The following ODAPH variants were observed in gnomAD, a reference collection of about 807,000 sequenced individuals.
The protein encoded by ODAPH is amelogenesis imperfecta type IIA4.
In ODAPH, 2 loss-of-function variants were observed where a neutral mutation model predicts 2.8. The observed-to-expected ratio is 0.72, with a 90% CI of 0.30 to 2.28. The LOEUF (loss-of-function observed/expected upper bound fraction) is 2.28, where lower values mean the gene tolerates loss of function less well. Ranked by LOEUF, ODAPH falls within the 30% of genes most tolerant of loss-of-function variation. The probability of loss-of-function intolerance (pLI) is 0.13; values close to 1 mark genes in which losing one functional copy is unlikely to be tolerated. For synonymous variants in ODAPH, 75 were observed against 60.3 expected, an observed-to-expected ratio of 1.24 and a Z score of -1.13; for missense variants, 159 against 163.3, an observed-to-expected ratio of 0.97 and a Z score of 0.14.
chr4:75,564,301 T>G lies in ODAPH; in HGVS notation c.255T>G (p.Phe85Leu). 1 of 1,614,192 alleles carries G rather than the reference T, an allele frequency of 6.2e-7. No individual in the cohort carries two copies. Among genetic ancestry groups the G allele is most frequent in the Non-Finnish European group, 8.5e-7 (1 of 1,180,032 alleles). ...GAAGGCCCAGAATCCATTTTAGGTT[T>G]CCAAACAGACCTTTCGTCCCTTCAA... ...FPRRPRIHFRFPNRPFVPSRC... is the reference protein window; with the variant it reads ...FPRRPRIHFRLPNRPFVPSRC... The change falls in exon 2 of 2, where the codon TTT becomes TTG. Residue 85 changes from phenylalanine (F) to leucine (L), a missense_variant. Coordinates refer to ENST00000311623, the MANE Select transcript of ODAPH (RefSeq NM_178497.5).
intron 1 of ODAPH, chr4:75,563,474 T>C (rs1222068507): frequency 1.9e-5 from 3 of 157,450 alleles, no homozygotes; most frequent in Non-Finnish European, 4.2e-5. Flanking sequence ...TGTGTATACA[T>C]GTAGATATAT....
chr4:75,557,427 G>A (rs1727379706), intron 1 of ODAPH, among the ~76,000 whole-genome samples: 1 of 152,096 alleles, frequency 6.6e-6, no homozygotes, highest in Admixed American at 6.5e-5. Flanking sequence ...ATCACCTGAG[G>A]TCGGGAGTTC....
chr4:75,556,807 T>G (rs972091925), intron 1 of ODAPH, among the ~76,000 whole-genome samples: 1 of 152,088 alleles, frequency 6.6e-6, no homozygotes, highest in Non-Finnish European at 1.5e-5. Context: ...GGGGAAGGGA[T>G]GAAAAGAGGG....
downstream of ODAPH, chr4:75,565,837 A>T (rs1397325577): frequency 6.6e-6 from 1 of 152,228 alleles, no homozygotes; most frequent in Non-Finnish European, 1.5e-5. Flanking sequence ...AGATAAAATC[A>T]TCATGCTATG....
intron 1 of ODAPH, among the ~76,000 whole-genome samples, chr4:75,562,539 C>T (rs565030992): frequency 1.3e-5 from 2 of 152,150 alleles, no homozygotes; most frequent in South Asian, 4.2e-4. Flanking sequence ...AGGGTTTCTC[C>T]ATGTTGGTCA....
intron 1 of ODAPH, among the ~76,000 whole-genome samples, chr4:75,557,375 C>G (rs552115009): frequency 6.6e-6 from 1 of 152,174 alleles, no homozygotes; most frequent in Non-Finnish European, 1.5e-5. Flanking sequence ...TACAGTGGCT[C>G]ACACCTGTAA....
chr4:75,556,794 G>A (rs1189079518), intron 1 of ODAPH, among the ~76,000 whole-genome samples: 2 of 152,154 alleles, frequency 1.3e-5, no homozygotes, highest in Non-Finnish European at 2.9e-5. Flanking sequence ...GAAAGAAAAG[G>A]CTGGGGAAGG....
intron 1 of ODAPH, among the ~76,000 whole-genome samples, chr4:75,558,204 C>G (rs1009377327): frequency 6.6e-6 from 1 of 152,170 alleles, no homozygotes; most frequent in Non-Finnish European, 1.5e-5. Context: ...TTGAAAGGGG[C>G]CTGTCTGATA....
chr4:75,561,150 G>A (rs372684189), intron 1 of ODAPH, among the ~76,000 whole-genome samples: 1 of 151,336 alleles, frequency 6.6e-6, no homozygotes. Context: ...CGTGAACCCG[G>A]GAGGCGGAGC....
intron 1 of ODAPH, among the ~76,000 whole-genome samples, chr4:75,560,470 G>A (rs1249126176): frequency 6.6e-6 from 1 of 152,170 alleles, no homozygotes; most frequent in Non-Finnish European, 1.5e-5. Flanking sequence ...CAGATGTGTG[G>A]CCCTAACTTT....
chr4:75,562,865 A>G (rs1361375260), intron 1 of ODAPH, among the ~76,000 whole-genome samples: 4 of 152,092 alleles, frequency 2.6e-5, no homozygotes, highest in Non-Finnish European at 5.9e-5. Flanking sequence ...CCCTTCCCCT[A>G]GGAAATTATT....
chr4:75,556,180 T>C (rs1727332143), intron 1 of ODAPH, 31 bp downstream of exon 1: 2 of 1,600,318 alleles, frequency 1.2e-6, no homozygotes, highest in Non-Finnish European at 1.7e-6. Flanking sequence ...CTACTGTGGG[T>C]CCACTAATTA....
intron 1 of ODAPH, among the ~76,000 whole-genome samples, chr4:75,562,679 C>T (rs566350081): frequency 1.8e-4 from 28 of 152,232 alleles, no homozygotes; most frequent in Middle Eastern, 3.4e-3. Flanking sequence ...ATGTAAGCCT[C>T]TAAGGGAGTG....
Position 75,564,619 on chromosome 4 carries a change from G to C in ODAPH, c.*180G>C. On this transcript the variant is annotated 3_prime_UTR_variant, in exon 2 of 2. Transcript: ENST00000311623. ...TCAGCAGTGAAGATATTGGATCATAGGTTATTGATGGTTGCAAAATTGGAC... is the reference window on the plus strand; with the variant it reads ...TCAGCAGTGAAGATATTGGATCATACGTTATTGATGGTTGCAAAATTGGAC... 1 of 1,349,660 alleles carries C rather than the reference G, an allele frequency of 7.4e-7. No individual in the cohort carries two copies. The highest frequency in any genetic ancestry group is 9.9e-7 in the Non-Finnish European group (1 of 1,006,488). 83.6% of individuals were successfully genotyped at this position (1,349,660 alleles called of 1,614,324 possible).
chr4:75,559,180 G>C (rs952525342), intron 1 of ODAPH, among the ~76,000 whole-genome samples: 6 of 152,218 alleles, frequency 3.9e-5, no homozygotes, highest in Non-Finnish European at 8.8e-5. Flanking sequence ...CAGTGACCAA[G>C]AGTCAACAGT....
chr4:75,556,581 C>T, intron 1 of ODAPH: 1 of 1,534,218 alleles, frequency 6.5e-7, no homozygotes, highest in Non-Finnish European at 8.7e-7. Context: ...TTAATTTGCA[C>T]ATGGTGGGTA....
intron 1 of ODAPH, among the ~76,000 whole-genome samples, chr4:75,559,722 C>A (rs1370266127): frequency 1.3e-5 from 2 of 152,230 alleles, no homozygotes; most frequent in Non-Finnish European, 2.9e-5. Context: ...ATTCAACACA[C>A]TACTCCTGAG....
chr4:75,557,074 G>A (rs116623474), intron 1 of ODAPH, among the ~76,000 whole-genome samples: 2,087 of 152,032 alleles, frequency 0.014, 24 homozygotes, highest in South Asian at 0.032. Context: ...GCTGGTTGTG[G>A]AACACTCAGA....
rs149051457 is a variant in ODAPH at position 75,558,791 on chromosome 4, G to A, written c.67+2642G>A. ...GCTCACTGCAACCTCCGCCTCCTGG[G>A]TTCAGATGATTCTCCTGCCTCAGCC... On this transcript the variant is annotated intron_variant, in intron 1 of 1. Coordinates refer to ENST00000311623, the MANE Select transcript of ODAPH (RefSeq NM_178497.5). Among the ~76,000 whole-genome samples, 832 of 152,254 alleles carry A rather than the reference G, an allele frequency of 5.5e-3. 2 individuals are homozygous for A. The highest frequency in any genetic ancestry group is 9.2e-3 in the Non-Finnish European group (629 of 68,018).
Sources: allele counts gnomAD v4.1 joint callset (sites outside exome capture counted in the v4.1 genomes callset), GRCh38; gene constraint gnomAD v4.1.1; transcripts MANE v1.5; gene names NCBI Gene and HGNC (gene_info 2026-07-23, HGNC 2026-07-21).